Variants in CYP7B1 observed in about 807,000 individuals in gnomAD.
CYP7B1 encodes the protein cytochrome P450 7B1.
CYP7B1 carries 29 observed loss-of-function variants against 42.7 expected under a neutral mutation model. That is an observed-to-expected ratio of 0.68 (90% CI 0.51 to 0.93). CYP7B1 has a LOEUF of 0.93. CYP7B1 is among the 40% of genes least tolerant of loss of function. CYP7B1 has a pLI of 0.00. For synonymous variants in CYP7B1, 235 were observed against 218.2 expected (o/e 1.08, Z -0.68); for missense variants, 655 against 600.5 (o/e 1.09, Z -0.95).
intron 1 of CYP7B1, among the ~76,000 whole-genome samples, chr8:64,741,508 G>A (rs960697438): frequency 2.0e-4 from 30 of 152,076 alleles, no homozygotes; most frequent in African/African-American, 6.5e-4. Context: ...TAGTAGAGAC[G>A]AGGTTTCTCC....
At chr8:64,615,283 T>C in intron 3 of CYP7B1, 51 bp from the exon 4 acceptor site, 1 of 1,524,474 alleles carries the variant, frequency 6.6e-7, no homozygotes. Context: ...TTACACTGAT[T>C]AGATTTGCAG....
intron 1 of CYP7B1, among the ~76,000 whole-genome samples, chr8:64,784,290 A>T (rs1804483719): frequency 6.6e-6 from 1 of 152,204 alleles, no homozygotes; most frequent in African/African-American, 2.4e-5. Flanking sequence ...TTGAAAAAGA[A>T]CAAATACTTA....
At chr8:64,694,040 C>T (rs909569118) in intron 1 of CYP7B1, among the ~76,000 whole-genome samples, 2 of 152,190 alleles carry the variant, frequency 1.3e-5, no homozygotes, top group Non-Finnish European at 2.9e-5. Flanking sequence ...TTACCATCAG[C>T]TCTATTTCAA....
intron 1 of CYP7B1, among the ~76,000 whole-genome samples, chr8:64,643,188 T>C (rs1563374428): frequency 2.8e-5 from 4 of 142,170 alleles, no homozygotes; most frequent in South Asian, 2.3e-4. Flanking sequence ...TATACATATA[T>C]ATATACACAC....
intron 1 of CYP7B1, among the ~76,000 whole-genome samples, chr8:64,628,812 C>T (rs886243952): frequency 2.0e-5 from 3 of 151,966 alleles, no homozygotes; most frequent in Admixed American, 1.3e-4. Context: ...AAGAGTAGAC[C>T]AACACAGAAT....
rs375524862 is a variant in CYP7B1, at chr8:64,791,410, A to G, written c.122+7056T>C. ...TTTAAATTAAGGATCTTGAGATGAG[A>G]ACATTGTCCTGGATTATCAGCACGG... On this transcript the variant is annotated intron_variant, in intron 1 of 5. Transcript: ENST00000310193. 3.9e-5 allele frequency among the ~76,000 whole-genome samples: 6 copies of G among 152,176 alleles called. No homozygotes were observed. The East Asian group carries it at 7.7e-4, about 20-fold the overall frequency.
At chr8:64,776,526 T>C (rs1345095633) in intron 1 of CYP7B1, among the ~76,000 whole-genome samples, 1 of 152,112 alleles carries the variant, frequency 6.6e-6, no homozygotes, top group Non-Finnish European at 1.5e-5. Flanking sequence ...TGCCCTATCA[T>C]ATAAACACAG....
chr8:64,773,537 A>T (rs973092957), intron 1 of CYP7B1, among the ~76,000 whole-genome samples: 1 of 152,256 alleles, frequency 6.6e-6, no homozygotes, highest in Non-Finnish European at 1.5e-5. Flanking sequence ...GACACTGTAC[A>T]TTCAAAATGT....
At chr8:64,602,077 T>C (rs1805212573) in intron 5 of CYP7B1, among the ~76,000 whole-genome samples, 1 of 152,212 alleles carries the variant, frequency 6.6e-6, no homozygotes, top group East Asian at 1.9e-4. Flanking sequence ...TTATGTGTAG[T>C]GTACAGCTTC....
intron 1 of CYP7B1, among the ~76,000 whole-genome samples, chr8:64,730,614 A>AT (rs1807394246): frequency 6.6e-6 from 1 of 152,166 alleles, no homozygotes; most frequent in Non-Finnish European, 1.5e-5. Context: ...AGTTAAATGT[A>AT]TATGTTATGC....
chr8:64,600,514 AG>A (rs1213787040), intron 5 of CYP7B1, among the ~76,000 whole-genome samples: 1 of 152,080 alleles, frequency 6.6e-6, no homozygotes, highest in African/African-American at 2.4e-5. Flanking sequence ...TAATAAAAAA[AG>A]TCAGTGTTTT....
intron 1 of CYP7B1, among the ~76,000 whole-genome samples, chr8:64,639,722 A>G (rs1379105799): frequency 6.6e-6 from 1 of 152,132 alleles, no homozygotes; most frequent in Non-Finnish European, 1.5e-5. Flanking sequence ...TCTTTAACAC[A>G]CATAAAATAT....
At chr8:64,638,618 GAATGA>G (rs1274843158) in intron 1 of CYP7B1, among the ~76,000 whole-genome samples, 1 of 152,078 alleles carries the variant, frequency 6.6e-6, no homozygotes, top group Non-Finnish European at 1.5e-5. Flanking sequence ...TAGAAGTCAG[GAATGA>G]AGGAAAGATG....
chr8:64,606,901 G>A (rs180863083), intron 4 of CYP7B1, among the ~76,000 whole-genome samples: 63 of 152,296 alleles, frequency 4.1e-4, no homozygotes, highest in Middle Eastern at 3.4e-3. Context: ...ACCAGCCCCA[G>A]TACGAATGCA....
At chr8:64,778,071 CTGG>C (rs1217283209) in intron 1 of CYP7B1, among the ~76,000 whole-genome samples, 3 of 151,210 alleles carry the variant, frequency 2.0e-5, no homozygotes, top group Middle Eastern at 3.2e-3. Context: ...CTTCAGTTGA[CTGG>C]TGATTTCATA....
At chr8:64,624,673 G>A in intron 1 of CYP7B1, 134 bp from the exon 2 acceptor site, 1 of 1,013,048 alleles carries the variant, frequency 9.9e-7, no homozygotes, top group Non-Finnish European at 1.4e-6. Flanking sequence ...CTCTTACTCA[G>A]TGATTCTTAT....
intron 2 of CYP7B1, among the ~76,000 whole-genome samples, chr8:64,623,024 GTGTGTAGAGATCAGCTT>G: frequency 6.6e-6 from 1 of 152,240 alleles, no homozygotes; most frequent in Middle Eastern, 3.4e-3. Flanking sequence ...GGGTAATCTA[GTGTGTAGAGATCAGCTT>G]ACAGAGCACA....
chr8:64,756,806 AATCTTT>A (rs1208272112), intron 1 of CYP7B1, among the ~76,000 whole-genome samples: 1 of 152,218 alleles, frequency 6.6e-6, no homozygotes, highest in Non-Finnish European at 1.5e-5. Context: ...CATGCTGTTT[AATCTTT>A]ATGTTTCTGA....
At chr8:64,788,526 G>T (rs1181996668) in intron 1 of CYP7B1, among the ~76,000 whole-genome samples, 1 of 152,118 alleles carries the variant, frequency 6.6e-6, no homozygotes, top group African/African-American at 2.4e-5. Flanking sequence ...GGGGACTGTG[G>T]GTTTCTGTGA....
Sources: allele counts gnomAD v4.1 joint callset (sites outside exome capture counted in the v4.1 genomes callset), GRCh38; gene constraint gnomAD v4.1.1; transcripts MANE v1.5; gene names NCBI Gene and HGNC (gene_info 2026-07-23, HGNC 2026-07-21).